The following ACYP2 variants were observed in gnomAD, a reference collection of about 807,000 sequenced individuals.
ACYP2 encodes acylphosphatase 2, also known as acylphosphatase-2.
ACYP2 carries 12 observed loss-of-function variants against 11.2 expected under a neutral mutation model. The observed-to-expected ratio is 1.08, with a 90% CI of 0.69 to 1.74. The LOEUF (loss-of-function observed/expected upper bound fraction) is 1.74. Among genes scored for constraint, ACYP2 ranks in the 40% most tolerant of loss-of-function variants. The pLI is 0.00. For missense variants in ACYP2, 134 were observed against 101.9 expected, an observed-to-expected ratio of 1.31 and a Z score of -1.35; for synonymous variants, 43 against 32.2, an observed-to-expected ratio of 1.33 and a Z score of -1.13.
chr2:54,080,161 C>T (rs1010659936), intron 4 of ACYP2: 1 of 184,334 alleles, frequency 5.4e-6, no homozygotes, highest in Non-Finnish European at 1.2e-5. Flanking sequence ...TTAGAAATGT[C>T]CCTAACAACT....
At chr2:54,135,636 TA>T (rs1681182610) in intron 5 of ACYP2, among the ~76,000 whole-genome samples, 167 bp downstream of exon 2, 1 of 152,228 alleles carries the variant, frequency 6.6e-6, no homozygotes, top group Non-Finnish European at 1.5e-5. Flanking sequence ...TTGAGATTTT[TA>T]TTAATGCTAA....
intron 6 of ACYP2, among the ~76,000 whole-genome samples, chr2:54,168,746 G>T (rs1463837112): frequency 6.6e-6 from 1 of 152,148 alleles, no homozygotes; most frequent in Non-Finnish European, 1.5e-5. Flanking sequence ...AGTATCTCTT[G>T]GGAAAATGTA....
At chr2:54,243,238 G>A (rs146235071) in intron 6 of ACYP2, among the ~76,000 whole-genome samples, 209 of 152,256 alleles carry the variant, frequency 1.4e-3, no homozygotes, top group Non-Finnish European at 1.8e-3. Context: ...TCTTTGTTGT[G>A]CAAATATTGT....
At chr2:54,274,409 G>A (rs1185261695) in intron 6 of ACYP2, among the ~76,000 whole-genome samples, 2 of 152,026 alleles carry the variant, frequency 1.3e-5, no homozygotes, top group Non-Finnish European at 2.9e-5. Flanking sequence ...GGGAGGCTGA[G>A]GTGGGAGGAT....
At chr2:54,009,115 T>C (rs916331610) in intron 2 of ACYP2, among the ~76,000 whole-genome samples, 8 of 150,776 alleles carry the variant, frequency 5.3e-5, no homozygotes, top group African/African-American at 2.0e-4. Flanking sequence ...ACTGTGCCAC[T>C]GCACTCCAGT....
intron 6 of ACYP2, among the ~76,000 whole-genome samples, chr2:54,300,831 C>T (rs1291765747): frequency 6.6e-6 from 1 of 152,174 alleles, no homozygotes; most frequent in Non-Finnish European, 1.5e-5. Flanking sequence ...TAGAAAAGTG[C>T]CTCTTTTCCT....
chr2:54,063,324 A>G (rs573710957), intron 4 of ACYP2, among the ~76,000 whole-genome samples: 6 of 152,260 alleles, frequency 3.9e-5, no homozygotes, highest in African/African-American at 1.2e-4. Context: ...TAATATAGAT[A>G]CATATAGAGT....
chr2:54,135,307 A>G (rs762384761), intron 4 of ACYP2, 146 bp from the exon 2 acceptor site: 2 of 668,604 alleles, frequency 3.0e-6, no homozygotes. Flanking sequence ...ATATTGTAGG[A>G]CCACAGTTGA....
intron 6 of ACYP2, among the ~76,000 whole-genome samples, chr2:54,224,335 A>C: frequency 6.6e-6 from 1 of 152,228 alleles, no homozygotes; most frequent in East Asian, 1.9e-4. Flanking sequence ...AAGGTGGAGA[A>C]GAATTTTATA....
intron 4 of ACYP2, among the ~76,000 whole-genome samples, chr2:54,072,402 C>A (rs1415940497): frequency 6.6e-6 from 1 of 152,098 alleles, no homozygotes; most frequent in African/African-American, 2.4e-5. Context: ...ACCACTCCAG[C>A]TCTAGTGATC....
intron 4 of ACYP2, among the ~76,000 whole-genome samples, chr2:54,075,503 TA>T (rs56893194): frequency 1.7e-4 from 21 of 120,360 alleles, no homozygotes; most frequent in South Asian, 4.9e-4. Flanking sequence ...GTCTCAAAAT[TA>T]AAAAAAAAAA....
At chr2:54,085,722 GAGAC>G (rs927006945) in intron 4 of ACYP2, among the ~76,000 whole-genome samples, 1 of 152,158 alleles carries the variant, frequency 6.6e-6, no homozygotes, top group Non-Finnish European at 1.5e-5. Flanking sequence ...ATAGAGATGT[GAGAC>G]AGAGAGAGAG....
chr2:54,173,678 C>T (rs1417626073), intron 6 of ACYP2, among the ~76,000 whole-genome samples: 1 of 152,150 alleles, frequency 6.6e-6, no homozygotes, highest in African/African-American at 2.4e-5. Context: ...TTAGGTCTAA[C>T]ATTTAAGTCT....
At chr2:54,151,899 TA>T (rs1403240215) in intron 6 of ACYP2, among the ~76,000 whole-genome samples, 1 of 152,084 alleles carries the variant, frequency 6.6e-6, no homozygotes, top group Non-Finnish European at 1.5e-5. Flanking sequence ...TTAAAAAAAT[TA>T]ATAGACTTTC....
intron 4 of ACYP2, among the ~76,000 whole-genome samples, chr2:54,062,022 G>T (rs531899195): frequency 2.0e-5 from 3 of 152,170 alleles, no homozygotes; most frequent in African/African-American, 7.2e-5. Context: ...TGGCTTTAAA[G>T]TGTTTTGCGT....
At chr2:54,157,007 G>C (rs949809370) in intron 6 of ACYP2, among the ~76,000 whole-genome samples, 1 of 151,962 alleles carries the variant, frequency 6.6e-6, no homozygotes, top group African/African-American at 2.4e-5. Flanking sequence ...TTTTAAAAAG[G>C]TATCTCAATT....
intron 6 of ACYP2, among the ~76,000 whole-genome samples, chr2:54,201,636 C>CTTTCTTTTT (rs59874821): frequency 3.6e-4 from 34 of 93,662 alleles, no homozygotes; most frequent in African/African-American, 1.4e-3. Context: ...TTCTTTCTTT[C>CTTTCTTTTT]TCTTTCTTTC....
rs1306622236 is a variant in ACYP2 at position 54,074,579 on chromosome 2, TG to T, written c.277+17220del. On this transcript the variant is annotated intron_variant, in intron 4 of 6. Coordinates refer to ENST00000607452, the MANE Select transcript of ACYP2 (RefSeq NM_001320586.2). The stretch of plus-strand genomic sequence containing the variant: ...AATTATATATAAATAGAACAGAATT[TG>T]TGTGTGTGTGTGTGTGTGTGTGTGT... Among the ~76,000 whole-genome samples, 17 of 14,718 alleles carry T rather than the reference TG, an allele frequency of 1.2e-3. No homozygotes were observed. The African/African-American group carries it at 0.015, about 13-fold the overall frequency. 9.7% of individuals were successfully genotyped at this position (14,718 alleles called of 152,430 possible).
At chr2:54,013,087 A>G (rs991936408) in intron 2 of ACYP2, among the ~76,000 whole-genome samples, 3 of 151,920 alleles carry the variant, frequency 2.0e-5, no homozygotes, top group African/African-American at 7.3e-5. Context: ...CACCCCTTCA[A>G]GGTTTTGCTC....
Sources: allele counts gnomAD v4.1 joint callset (sites outside exome capture counted in the v4.1 genomes callset), GRCh38; gene constraint gnomAD v4.1.1; transcripts MANE v1.5; gene names NCBI Gene and HGNC (gene_info 2026-07-23, HGNC 2026-07-21).